HDAC9: variants seen among roughly 807,000 people sequenced by gnomAD.
The protein encoded by HDAC9 is MEF-2 interacting transcription repressor (MITR) protein.
A neutral mutation model predicts 139.4 loss-of-function variants in HDAC9; 41 were observed. The observed-to-expected ratio is 0.29, with a 90% CI of 0.23 to 0.38. HDAC9 has a LOEUF of 0.38. HDAC9 is among the 10% of genes least tolerant of loss of function. HDAC9 has a pLI of 1.00. For synonymous variants in HDAC9, 517 were observed against 476.2 expected (o/e 1.09, Z -1.12); for missense variants, 1,147 against 1,297.0 (o/e 0.88, Z 1.78).
At chr7:18,588,314 A>G (rs986150116) in intron 3 of HDAC9, among the ~76,000 whole-genome samples, 1 of 152,272 alleles carries the variant, frequency 6.6e-6, no homozygotes, top group Admixed American at 6.5e-5. Flanking sequence ...TTACAAACAC[A>G]TGTTGGGTAT....
intron 12 of HDAC9, among the ~76,000 whole-genome samples, chr7:18,696,128 A>AT (rs1461882802): frequency 6.6e-6 from 1 of 151,942 alleles, no homozygotes; most frequent in African/African-American, 2.4e-5. Context: ...TTTCCTTAGT[A>AT]TTGCCAATCA....
intron 1 of HDAC9, among the ~76,000 whole-genome samples, chr7:18,150,670 G>C (rs950553267): frequency 1.3e-5 from 2 of 152,228 alleles, no homozygotes; most frequent in African/African-American, 4.8e-5. Flanking sequence ...TTTTCTGTCT[G>C]GGTATTCATC....
chr7:18,264,013 A>C (rs1795848318), intron 2 of HDAC9, among the ~76,000 whole-genome samples: 1 of 152,246 alleles, frequency 6.6e-6, no homozygotes, highest in African/African-American at 2.4e-5. Flanking sequence ...AAGAAGACAT[A>C]GGAATTGTAA....
At chr7:18,829,372 A>G (rs1795692566) in intron 18 of HDAC9, 89 bp from the exon 19 acceptor site, 3 of 1,153,404 alleles carry the variant, frequency 2.6e-6, no homozygotes, top group Admixed American at 1.8e-5. Context: ...GAGATCATAT[A>G]GCATTTAAAA....
At chr7:18,110,978 A>C (rs1201465295) in intron 1 of HDAC9, among the ~76,000 whole-genome samples, 2 of 152,032 alleles carry the variant, frequency 1.3e-5, no homozygotes, top group Non-Finnish European at 2.9e-5. Context: ...TTTAAGGGAC[A>C]TTTGCTGAGT....
At chr7:18,739,387 A>G (rs1207621447) in intron 13 of HDAC9, among the ~76,000 whole-genome samples, 2 of 152,164 alleles carry the variant, frequency 1.3e-5, no homozygotes, top group Admixed American at 1.3e-4. Context: ...GTTTCTCCCC[A>G]TCTTTGTGGT....
intron 1 of HDAC9, among the ~76,000 whole-genome samples, chr7:18,361,353 C>A (rs755725200): frequency 6.6e-6 from 1 of 152,144 alleles, no homozygotes; most frequent in Non-Finnish European, 1.5e-5. Context: ...TCCACCCACA[C>A]CTCTCTCCTG....
chr7:18,893,247 C>A (rs563124597), intron 22 of HDAC9, among the ~76,000 whole-genome samples: 9 of 152,152 alleles, frequency 5.9e-5, no homozygotes, highest in Admixed American at 3.9e-4. Flanking sequence ...CCAAGTTACT[C>A]AGGGTCACAA....
At chr7:18,938,381 G>GTCATGAGA (rs1347139676) in intron 23 of HDAC9, among the ~76,000 whole-genome samples, 2 of 152,090 alleles carry the variant, frequency 1.3e-5, no homozygotes, top group African/African-American at 4.8e-5. Flanking sequence ...GGATCACGAG[G>GTCATGAGA]TCATGAGATC....
At chr7:18,213,707 G>C (rs1792106333) in intron 2 of HDAC9, among the ~76,000 whole-genome samples, 1 of 152,116 alleles carries the variant, frequency 6.6e-6, no homozygotes, top group Non-Finnish European at 1.5e-5. Context: ...CTACTTTTAG[G>C]AGATGTGAAA....
At chr7:18,246,988 G>A (rs1794587769) in intron 2 of HDAC9, among the ~76,000 whole-genome samples, 1 of 152,066 alleles carries the variant, frequency 6.6e-6, no homozygotes, top group African/African-American at 2.4e-5. Context: ...GGATTCTCCA[G>A]TTGTTCTAAC....
chr7:18,188,713 G>A (rs1411072945), intron 2 of HDAC9, among the ~76,000 whole-genome samples: 1 of 152,138 alleles, frequency 6.6e-6, no homozygotes, highest in Non-Finnish European at 1.5e-5. Flanking sequence ...AAAAGAAGAC[G>A]TTTACATAGC....
At chr7:18,847,252 G>A (rs114066459) in intron 21 of HDAC9, among the ~76,000 whole-genome samples, 1,743 of 152,224 alleles carry the variant, frequency 0.011, 39 homozygotes, top group African/African-American at 0.039. Context: ...GAATTTCACC[G>A]TTACGCACAT....
At chr7:18,283,052 A>AT (rs1450723661) in intron 2 of HDAC9, among the ~76,000 whole-genome samples, 1 of 151,880 alleles carries the variant, frequency 6.6e-6, no homozygotes, top group Non-Finnish European at 1.5e-5. Context: ...CATAGTAATA[A>AT]TATAAGAAGA....
At chr7:18,609,054 G>T (rs943007208) in intron 6 of HDAC9, among the ~76,000 whole-genome samples, 1 of 152,100 alleles carries the variant, frequency 6.6e-6, no homozygotes, top group Non-Finnish European at 1.5e-5. Context: ...ATTTCAAAAT[G>T]CATATTTTAA....
intron 1 of HDAC9, among the ~76,000 whole-genome samples, chr7:18,113,018 G>A (rs923595328): frequency 3.3e-5 from 5 of 152,022 alleles, no homozygotes; most frequent in Admixed American, 6.5e-5. Flanking sequence ...AGAAGAAGGC[G>A]ATAAAGAAAT....
chr7:18,172,400 G>A (rs938290063), intron 2 of HDAC9, among the ~76,000 whole-genome samples: 1 of 151,982 alleles, frequency 6.6e-6, no homozygotes, highest in Admixed American at 6.6e-5. Flanking sequence ...CAAAAAACCA[G>A]CTCCTGGATT....
rs181493986 is a variant in HDAC9, at chr7:18,304,531, G to C, written c.-42+14016G>C. Among the ~76,000 whole-genome samples the C allele has an allele frequency of 3.7e-3, 570 of 152,196 alleles. 5 individuals are homozygous for C. Among genetic ancestry groups the C allele is most frequent in the Admixed American group, 6.3e-3 (96 of 15,282 alleles). On this transcript the variant is annotated intron_variant, in intron 1 of 3. Transcript: ENST00000413509. ...TGGGTTGTGTTTTGGGGACCCTCAG[G>C]CTATTTAGCAGGGGACACAGATGTA...
intron 8 of HDAC9, among the ~76,000 whole-genome samples, chr7:18,638,672 C>A (rs1284666170): frequency 6.6e-6 from 1 of 152,100 alleles, no homozygotes; most frequent in Non-Finnish European, 1.5e-5. Flanking sequence ...ATTATCAGCG[C>A]TGACTCCTGG....
Sources: allele counts gnomAD v4.1 joint callset (sites outside exome capture counted in the v4.1 genomes callset), GRCh38; gene constraint gnomAD v4.1.1; transcripts MANE v1.5; gene names NCBI Gene and HGNC (gene_info 2026-07-23, HGNC 2026-07-21).